Variants in ADARB2 observed in about 807,000 individuals in gnomAD.
The protein encoded by ADARB2 is adenosine deaminase RNA specific B2 (inactive).
A neutral mutation model predicts 62.2 loss-of-function variants in ADARB2; 25 were observed. The observed-to-expected ratio is 0.40, with a 90% CI of 0.29 to 0.56. The LOEUF (loss-of-function observed/expected upper bound fraction) is 0.56, where lower values mean the gene tolerates loss of function less well. Ranked by LOEUF, ADARB2 falls within the 20% of genes least tolerant of loss-of-function variation. The probability of loss-of-function intolerance (pLI) is 0.43; values close to 1 mark genes in which losing one functional copy is unlikely to be tolerated. For synonymous variants in ADARB2, 572 were observed against 500.8 expected, an observed-to-expected ratio of 1.14 and a Z score of -1.90; for missense variants, 1,071 against 1,077.4, an observed-to-expected ratio of 0.99 and a Z score of 0.08.
At chr10:1,734,431 C>G (rs190342423) in intron 1 of ADARB2, among the ~76,000 whole-genome samples, 165 of 152,072 alleles carry the variant, frequency 1.1e-3, no homozygotes, top group African/African-American at 3.7e-3. Flanking sequence ...GTCCTGACCA[C>G]CCTTCAGTGG....
At position 1,551,893 on chromosome 10, in the gene ADARB2, CAG is replaced by C. The variant is rs373765627; in HGVS notation, c.101-172735_101-172734del. ...GTCAGAATGTGCTGGGAAAGGCAGA[CAG>C]AATGGGACTGACTGGCCTTTATACT... On this transcript the variant is annotated intron_variant, in intron 1 of 9. Transcript: ENST00000381312. Among the ~76,000 whole-genome samples the C allele has an allele frequency of 8.9e-4, 136 of 152,354 alleles. 4 individuals are homozygous for C. The East Asian group carries it at 0.015, about 17-fold the overall frequency.
At chr10:1,567,884 G>A (rs1030016910) in intron 1 of ADARB2, among the ~76,000 whole-genome samples, 2 of 152,160 alleles carry the variant, frequency 1.3e-5, no homozygotes, top group African/African-American at 4.8e-5. Context: ...AGACAGGCCC[G>A]GGATCTGATC....
chr10:1,734,749 T>C (rs1378617996), intron 1 of ADARB2, among the ~76,000 whole-genome samples: 1 of 152,268 alleles, frequency 6.6e-6, no homozygotes, highest in Middle Eastern at 3.4e-3. Context: ...TCCTTAACAG[T>C]CTCTCATACA....
Position 1,319,554 on chromosome 10 carries a change from T to A in ADARB2, c.1077+43474A>T, listed in dbSNP as rs991920579. 2.0e-5 allele frequency among the ~76,000 whole-genome samples: 3 copies of A among 152,220 alleles called. No homozygotes were observed. The East Asian group carries it at 5.8e-4, about 29-fold the overall frequency. ...TTAGCAAGATCTCAAACAAAATGAT[T>A]ATAATCACATCTTGGTTGATAAGAA... On this transcript the variant is annotated intron_variant, in intron 3 of 9. Transcript: ENST00000381312.
intron 1 of ADARB2, among the ~76,000 whole-genome samples, chr10:1,643,862 C>T (rs1020539329): frequency 7.2e-5 from 11 of 152,102 alleles, no homozygotes; most frequent in Non-Finnish European, 1.6e-4. Flanking sequence ...GTGACAGTGA[C>T]AAGGTGCCTG....
chr10:1,582,920 T>A (rs1319954053), intron 1 of ADARB2, among the ~76,000 whole-genome samples: 1 of 152,242 alleles, frequency 6.6e-6, no homozygotes, highest in Admixed American at 6.5e-5. Flanking sequence ...AGCGTGTTAA[T>A]GACACTACAG....
intron 1 of ADARB2, among the ~76,000 whole-genome samples, chr10:1,608,281 C>T (rs1488054139): frequency 6.6e-6 from 1 of 152,196 alleles, no homozygotes; most frequent in East Asian, 1.9e-4. Flanking sequence ...TTTATGCTCA[C>T]CGGGTCCCTC....
intron 4 of ADARB2, 90 bp downstream of exon 4, chr10:1,270,865 A>T: frequency 9.0e-7 from 1 of 1,106,328 alleles, no homozygotes; most frequent in Non-Finnish European, 1.3e-6. Context: ...GTTGTGGAAG[A>T]GAGAGCCTTT....
chr10:1,243,934 G>A, intron 4 of ADARB2, among the ~76,000 whole-genome samples: 1 of 152,238 alleles, frequency 6.6e-6, no homozygotes, highest in East Asian at 1.9e-4. Context: ...CCTGAGCTCA[G>A]GAAGTGACCA....
chr10:1,412,187 C>T (rs567945789), intron 1 of ADARB2, among the ~76,000 whole-genome samples: 60 of 152,196 alleles, frequency 3.9e-4, no homozygotes, highest in African/African-American at 1.1e-3. Flanking sequence ...TGGACGGGTT[C>T]GGAGCGTGCT....
intron 1 of ADARB2, chr10:1,675,907 G>T (rs781171616): frequency 3.7e-6 from 3 of 804,878 alleles, no homozygotes; most frequent in Non-Finnish European, 4.5e-6. Context: ...GGAAGGGGCT[G>T]CAGAGGTCCG....
chr10:1,536,800 C>T (rs11250600), intron 1 of ADARB2, among the ~76,000 whole-genome samples: 47,363 of 152,064 alleles, frequency 0.31, 8,520 homozygotes, highest in East Asian at 0.74. Flanking sequence ...TTTACTTATA[C>T]AAAAATTAAC....
intron 3 of ADARB2, among the ~76,000 whole-genome samples, chr10:1,337,836 AG>A (rs1430312105): frequency 6.6e-6 from 1 of 152,236 alleles, no homozygotes; most frequent in East Asian, 1.9e-4. Flanking sequence ...AGACTATAAA[AG>A]GGGGTGCCAT....
chr10:1,676,924 G>A (rs752084026), intron 1 of ADARB2, among the ~76,000 whole-genome samples: 2 of 152,154 alleles, frequency 1.3e-5, no homozygotes, highest in Non-Finnish European at 2.9e-5. Context: ...GGAGTGGAGG[G>A]CCCACACATT....
intron 1 of ADARB2, among the ~76,000 whole-genome samples, chr10:1,449,267 G>A (rs1160925026): frequency 1.3e-5 from 2 of 152,162 alleles, no homozygotes; most frequent in Non-Finnish European, 2.9e-5. Flanking sequence ...CCTTTGGCCA[G>A]TATCCCTTAG....
rs368191985 is a variant in ADARB2, at chr10:1,558,345, T to C, written c.100+178706A>G. Among the ~76,000 whole-genome samples, 33 of 64,204 alleles carry C rather than the reference T, an allele frequency of 5.1e-4. 1 individual carries two copies. The highest frequency in any genetic ancestry group is 1.2e-3 in the African/African-American group (18 of 15,158). The allele number at this position is 64,204 out of a possible 152,430, so 42.1% of individuals were successfully genotyped here. On this transcript the variant is annotated intron_variant, in intron 1 of 9. Transcript: ENST00000381312. ...CATCTAAATCCGCATCCCACCTCTG[T>C]CCCATTCTGTGGGTGCTCAGCCCCC...
At chr10:1,676,131 G>T in intron 1 of ADARB2, 3 of 873,556 alleles carry the variant, frequency 3.4e-6, no homozygotes, top group Non-Finnish European at 4.1e-6. Flanking sequence ...TGCCATTTTG[G>T]GTCTTGGCAA....
intron 6 of ADARB2, among the ~76,000 whole-genome samples, chr10:1,225,572 G>T (rs956035632): frequency 3.3e-5 from 5 of 152,160 alleles, no homozygotes; most frequent in Non-Finnish European, 7.3e-5. Flanking sequence ...TCCATGTTTA[G>T]TGCTTCCTTC....
At chr10:1,665,946 A>C (rs1834311297) in intron 1 of ADARB2, among the ~76,000 whole-genome samples, 1 of 152,174 alleles carries the variant, frequency 6.6e-6, no homozygotes, top group Admixed American at 6.5e-5. Context: ...ACAGCAACGA[A>C]GCACTCCAAG....
Sources: allele counts gnomAD v4.1 joint callset (sites outside exome capture counted in the v4.1 genomes callset), GRCh38; gene constraint gnomAD v4.1.1; transcripts MANE v1.5; gene names NCBI Gene and HGNC (gene_info 2026-07-23, HGNC 2026-07-21).